The following TDRD1 variants were observed in gnomAD, a reference collection of about 807,000 sequenced individuals.
The protein encoded by TDRD1 is tudor domain-containing protein 1.
A neutral mutation model predicts 140.6 loss-of-function variants in TDRD1; 37 were observed. The ratio of observed to expected loss-of-function variants is 0.26; its 90% CI spans 0.20 to 0.35. The LOEUF is 0.35. Among genes scored for constraint, TDRD1 ranks in the 10% least tolerant of loss-of-function variants. The probability of loss-of-function intolerance (pLI) is 1.00; values close to 1 mark genes in which losing one functional copy is unlikely to be tolerated. For missense variants in TDRD1, 1,243 were observed against 1,393.0 expected (o/e 0.89, Z 1.71); for synonymous variants, 506 against 475.7 (o/e 1.06, Z -0.83).
At chr10:114,203,364 C>G in intron 7 of TDRD1, 24 bp from the exon 8 acceptor site, 1 of 1,551,866 alleles carries the variant, frequency 6.4e-7, no homozygotes, top group Non-Finnish European at 8.7e-7. Context: ...ATGAATTATT[C>G]CTCTTTTTTT....
chr10:114,211,231 C>T (rs1425010895), intron 13 of TDRD1, among the ~76,000 whole-genome samples: 2 of 152,034 alleles, frequency 1.3e-5, no homozygotes, highest in Admixed American at 1.3e-4. Flanking sequence ...TTTTGTCAGC[C>T]TTTTGGTTTT....
chr10:114,190,089 CTT>C (rs201554155), intron 2 of TDRD1, among the ~76,000 whole-genome samples: 1 of 151,456 alleles, frequency 6.6e-6, no homozygotes, highest in Non-Finnish European at 1.5e-5. Context: ...GGAGGCCAAA[CTT>C]TTTTTTTCAG....
At chr10:114,188,718 G>C (rs1411391668) in intron 2 of TDRD1, among the ~76,000 whole-genome samples, 1 of 151,998 alleles carries the variant, frequency 6.6e-6, no homozygotes, top group African/African-American at 2.4e-5. Flanking sequence ...CTAGCCGGGC[G>C]TGGTGGCACA....
chr10:114,199,996 G>A (rs2034623519), intron 4 of TDRD1, among the ~76,000 whole-genome samples: 1 of 152,178 alleles, frequency 6.6e-6, no homozygotes, highest in Non-Finnish European at 1.5e-5. Flanking sequence ...GAGTCAAAGG[G>A]TAGGTGTGTG....
exon 26 of TDRD1, chr10:114,231,652 C>T: frequency 3.2e-6 from 2 of 617,406 alleles, no homozygotes; most frequent in Non-Finnish European, 5.4e-6. Flanking sequence ...TGCCATTCTC[C>T]TATTAGGTTG....
chr10:114,193,090 A>T (rs1294351488), intron 3 of TDRD1, among the ~76,000 whole-genome samples: 1 of 152,046 alleles, frequency 6.6e-6, no homozygotes, highest in Non-Finnish European at 1.5e-5. Flanking sequence ...TTCTCCTTTT[A>T]TGTAGCTCTC....
intron 1 of TDRD1, among the ~76,000 whole-genome samples, 187 bp from the exon 2 acceptor site, chr10:114,187,639 T>G (rs974613126): frequency 2.0e-5 from 3 of 152,236 alleles, no homozygotes; most frequent in African/African-American, 7.2e-5. Context: ...AGTTCATACT[T>G]ACAGAGAACT....
At chr10:114,199,848 C>T (rs1268508698) in intron 4 of TDRD1, among the ~76,000 whole-genome samples, 2 of 152,148 alleles carry the variant, frequency 1.3e-5, no homozygotes, top group Non-Finnish European at 1.5e-5. Context: ...CATAGTCAAA[C>T]TGTTCTATTG....
At chr10:114,209,532 G>T (rs549695648) in intron 11 of TDRD1, among the ~76,000 whole-genome samples, 36 of 152,312 alleles carry the variant, frequency 2.4e-4, no homozygotes, top group African/African-American at 8.7e-4. Context: ...TTAAGAAATG[G>T]TTTTTAATTT....
At chr10:114,214,068 G>C (rs763637490) in exon 16 of TDRD1, 147 of 1,613,520 alleles carry the variant, frequency 9.1e-5, no homozygotes, top group Non-Finnish European at 1.2e-4. Flanking sequence ...TGGTCTGTGT[G>C]ATATATAGTC....
intron 11 of TDRD1, among the ~76,000 whole-genome samples, chr10:114,208,266 T>C (rs980712536): frequency 3.3e-5 from 5 of 152,156 alleles, no homozygotes; most frequent in Non-Finnish European, 7.4e-5. Context: ...GAAGCCAACA[T>C]AGAGAATGGA....
At chr10:114,212,951 C>G (rs933765241) in intron 14 of TDRD1, among the ~76,000 whole-genome samples, 7 of 152,176 alleles carry the variant, frequency 4.6e-5, no homozygotes, top group Non-Finnish European at 8.8e-5. Context: ...TCCTTGCTCC[C>G]CAGGTAATAA....
upstream of TDRD1, among the ~76,000 whole-genome samples, chr10:114,179,068 G>T (rs932689994): frequency 6.6e-6 from 1 of 152,200 alleles, no homozygotes; most frequent in African/African-American, 2.4e-5. Context: ...TGACCTTCGA[G>T]GAGACAAAGT....
chr10:114,220,646 A>T (rs2036083353), exon 19 of TDRD1: 1 of 1,613,476 alleles, frequency 6.2e-7, no homozygotes, highest in Non-Finnish European at 8.5e-7. Context: ...ATAAAATTGC[A>T]AGCCAGAGTG....
At chr10:114,191,389 C>T (rs2033954828) in intron 3 of TDRD1, among the ~76,000 whole-genome samples, 3 of 152,110 alleles carry the variant, frequency 2.0e-5, no homozygotes, top group Admixed American at 6.5e-5. Context: ...TTCCTTCTGC[C>T]CCTGCCCTCT....
intron 18 of TDRD1, 133 bp from the exon 19 acceptor site, chr10:114,220,435 A>G (rs539855894): frequency 4.9e-5 from 31 of 632,476 alleles, no homozygotes; most frequent in Middle Eastern, 7.9e-4. Flanking sequence ...ATGTAGGTGT[A>G]TAATTGAATA....
chr10:114,231,319 T>G (rs538382970), intron 25 of TDRD1, among the ~76,000 whole-genome samples: 48 of 152,314 alleles, frequency 3.2e-4, no homozygotes, highest in Middle Eastern at 3.4e-3. Flanking sequence ...TAGCATATAT[T>G]ATGCTATGTT....
chr10:114,209,060 G>A (rs1323654194), intron 11 of TDRD1, among the ~76,000 whole-genome samples: 2 of 152,096 alleles, frequency 1.3e-5, no homozygotes, highest in Non-Finnish European at 2.9e-5. Context: ...CTGATTACAA[G>A]CGTGAGCCAC....
chr10:114,185,378 C>A (rs1337264292), intron 1 of TDRD1, among the ~76,000 whole-genome samples: 1 of 151,948 alleles, frequency 6.6e-6, no homozygotes, highest in East Asian at 1.9e-4. Flanking sequence ...TTAATAGAGA[C>A]AGGGTTTCAC....
Sources: gnomAD v4.1 joint callset for allele counts (sites outside exome capture counted in the v4.1 genomes callset) on GRCh38, gnomAD v4.1.1 for gene constraint, MANE v1.5 for transcripts, NCBI Gene and HGNC (gene_info 2026-07-23, HGNC 2026-07-21) for gene names.